PCDHGA6: variants seen among roughly 807,000 people sequenced by gnomAD.
The protein encoded by PCDHGA6 is protocadherin gamma-A6.
Under a neutral mutation model 60.6 loss-of-function variants are expected in PCDHGA6, and 41 were observed. The observed-to-expected ratio is 0.68, with a 90% CI of 0.53 to 0.88. The LOEUF is 0.88. PCDHGA6 is among the 40% of genes least tolerant of loss of function. The probability of loss-of-function intolerance (pLI) is 0.00; values close to 1 mark genes in which losing one functional copy is unlikely to be tolerated. For missense variants in PCDHGA6, 1,312 were observed against 1,203.0 expected (o/e 1.09, Z -1.34); for synonymous variants, 594 against 524.4 (o/e 1.13, Z -1.81).
intron 1 of PCDHGA6, among the ~76,000 whole-genome samples, chr5:141,406,372 T>C (rs1010742441): frequency 1.3e-5 from 2 of 152,204 alleles, no homozygotes; most frequent in African/African-American, 4.8e-5. Flanking sequence ...AAGGGTAAAC[T>C]GATAAAAAGG....
rs114776679 is a variant in PCDHGA6, at chr5:141,400,351, G to A, written c.2424+23844G>A. The A allele has an allele frequency of 1.1e-3, 1,779 of 1,614,070 alleles. 15 individuals are homozygous for A. The African/African-American group carries it at 0.021, about 19-fold the overall frequency. On this transcript the variant is annotated intron_variant, in intron 1 of 3. Coordinates refer to ENST00000517434, the MANE Select transcript of PCDHGA6 (RefSeq NM_018919.3). ...TGTGGTTCCCCCCAACTACAGTCAG[G>A]GGACTTTGCCTTATTCCTACAACCT...
intron 1 of PCDHGA6, among the ~76,000 whole-genome samples, chr5:141,443,085 G>A (rs991288098): frequency 3.9e-5 from 6 of 151,916 alleles, no homozygotes; most frequent in Admixed American, 2.6e-4. Flanking sequence ...GAGTGTTCCA[G>A]TCTCCTTCTC....
At chr5:141,394,801 C>A in intron 1 of PCDHGA6, 2 of 1,613,838 alleles carry the variant, frequency 1.2e-6, no homozygotes, top group Non-Finnish European at 1.7e-6. Flanking sequence ...CTCACCGTAG[C>A]CGTGGCTGAC....
chr5:141,382,985 G>A (rs769787880), intron 1 of PCDHGA6: 50 of 1,613,304 alleles, frequency 3.1e-5, no homozygotes, highest in Non-Finnish European at 4.2e-5. Flanking sequence ...GCCTGGGCAG[G>A]ACGTATTCTC....
chr5:141,403,186 C>G, intron 1 of PCDHGA6: 2 of 1,614,012 alleles, frequency 1.2e-6, no homozygotes, highest in Non-Finnish European at 1.7e-6. Flanking sequence ...TCTCTCTGAA[C>G]CCGCGCAGCG....
rs775898365 is a variant in PCDHGA6 at position 141,476,425 on chromosome 5, T to C, written c.2425-18382T>C. On this transcript the variant is annotated intron_variant, in intron 1 of 3. Transcript: ENST00000517434. This position sits in a 1 kb window ranked among gnomAD's most constrained non-coding sequence, Gnocchi z 7.6. ...AGGAGCTGTGTGGGACACTGCCCTC[T>C]TGCACTGTAACTCTGGAGTTGGTAG... is the stretch of plus-strand genomic sequence containing the variant. The C allele has an allele frequency of 1.2e-6, 2 of 1,614,108 alleles. No homozygotes were observed. Among genetic ancestry groups the C allele is most frequent in the East Asian group, 4.5e-5 (2 of 44,848 alleles).
chr5:141,403,875 A>G (rs1311532081), intron 1 of PCDHGA6: 1 of 1,613,816 alleles, frequency 6.2e-7, no homozygotes, highest in South Asian at 1.1e-5. Context: ...AAAAGTCTAG[A>G]TTATGAAGAA....
chr5:141,401,655 A>G (rs1011518295), intron 1 of PCDHGA6, among the ~76,000 whole-genome samples: 2 of 152,232 alleles, frequency 1.3e-5, no homozygotes, highest in South Asian at 2.1e-4. Context: ...AAATGACTGG[A>G]TGTTTTCTCA....
At chr5:141,448,999 G>GT (rs910018882) in intron 1 of PCDHGA6, among the ~76,000 whole-genome samples, 19 of 151,698 alleles carry the variant, frequency 1.3e-4, no homozygotes, top group South Asian at 2.1e-4. Flanking sequence ...ATAGAAAGCT[G>GT]TTTTTTTTAA....
At chr5:141,376,617 G>A (rs1235600949) in intron 1 of PCDHGA6, 110 bp downstream of exon 1, 24 of 1,406,610 alleles carry the variant, frequency 1.7e-5, no homozygotes, top group Non-Finnish European at 2.2e-5. Context: ...ACCTCTTTTG[G>A]TACAGGAAGA....
At chr5:141,441,718 C>A in intron 1 of PCDHGA6, 1 of 344,940 alleles carries the variant, frequency 2.9e-6, no homozygotes, top group Non-Finnish European at 5.7e-6. Flanking sequence ...ACGCTGCAGG[C>A]CCGCGACCAG....
In PCDHGA6 at chr5:141,465,057, A is replaced by T. The variant is rs1253395484; in HGVS notation, c.2425-29750A>T. 3.3e-5 allele frequency among the ~76,000 whole-genome samples: 5 copies of T among 151,646 alleles called. No homozygotes were observed. The East Asian group carries it at 9.6e-4, about 29-fold the overall frequency. ...ACAAATGACCCTATATATTTTTTTG[A>T]ATTGTCTGTTCATGTCTTATTTTCA... On this transcript the variant is annotated intron_variant, in intron 1 of 3. Coordinates refer to ENST00000517434, the MANE Select transcript of PCDHGA6 (RefSeq NM_018919.3).
chr5:141,509,586 T>A (rs2154594569), intron 3 of PCDHGA6, among the ~76,000 whole-genome samples: 1 of 152,302 alleles, frequency 6.6e-6, no homozygotes, highest in East Asian at 1.9e-4. Flanking sequence ...ACAAATCAGC[T>A]GGCAATTCCG....
At chr5:141,508,267 C>G (rs993402135) in intron 3 of PCDHGA6, 5 of 152,336 alleles carry the variant, frequency 3.3e-5, no homozygotes, top group African/African-American at 9.6e-5. Context: ...AAGAGAAAAT[C>G]CCGGTCCTTG....
rs113596971 is a variant in PCDHGA6, at chr5:141,376,180, G to T, written c.2097G>T (p.Ala699=). 6 of 1,614,100 alleles carry T rather than the reference G, an allele frequency of 3.7e-6. No individual in the cohort carries two copies. The highest frequency in any genetic ancestry group is 2.2e-5 in the East Asian group (1 of 44,870). ...LTLYLVVAVA[A]VSCVFLAFVI... Reference sequence around the variant, plus strand: ...TGTACCTGGTGGTGGCGGTGGCCGCGGTCTCCTGCGTCTTCCTGGCCTTCG... The same window carrying T: ...TGTACCTGGTGGTGGCGGTGGCCGCTGTCTCCTGCGTCTTCCTGGCCTTCG... Residue 699 remains alanine (A), a synonymous_variant, in exon 1 of 4, where the codon GCG becomes GCT. Transcript: ENST00000517434.
At chr5:141,410,526 C>T in intron 1 of PCDHGA6, 4 of 1,613,920 alleles carry the variant, frequency 2.5e-6, no homozygotes, top group Non-Finnish European at 3.4e-6. Context: ...CCCCTACATT[C>T]CAATGAAGAC....
At chr5:141,406,474 T>TA (rs1309995681) in intron 1 of PCDHGA6, among the ~76,000 whole-genome samples, 1 of 152,248 alleles carries the variant, frequency 6.6e-6, no homozygotes, top group Non-Finnish European at 1.5e-5. Flanking sequence ...TCTTTGAGGT[T>TA]ATATTTTTCA....
chr5:141,400,072 C>G (rs1469206078), intron 1 of PCDHGA6: 1 of 1,613,934 alleles, frequency 6.2e-7, no homozygotes, highest in Non-Finnish European at 8.5e-7. Context: ...TGGACAGCCG[C>G]CACTCTCCGC....
intron 1 of PCDHGA6, chr5:141,410,140 G>C: frequency 6.2e-7 from 1 of 1,612,782 alleles, no homozygotes; most frequent in Non-Finnish European, 8.5e-7. Context: ...TGGTCGCTGT[G>C]CGTGACGGTG....
Sources: gnomAD v4.1 joint callset for allele counts (sites outside exome capture counted in the v4.1 genomes callset) on GRCh38, gnomAD v4.1.1 for gene constraint, Gnocchi (gnomAD v3.1) non-coding constraint, MANE v1.5 for transcripts, NCBI Gene and HGNC (gene_info 2026-07-23, HGNC 2026-07-21) for gene names.